Variants in ARHGAP6 observed in about 807,000 individuals in gnomAD.
ARHGAP6 encodes the protein rho GTPase-activating protein 6.
ARHGAP6 carries 16 observed loss-of-function variants against 55.7 expected under a neutral mutation model. That is an observed-to-expected ratio of 0.29 (90% confidence interval 0.19 to 0.44). ARHGAP6 has a LOEUF of 0.44. Among genes scored for constraint, ARHGAP6 ranks in the 20% least tolerant of loss-of-function variants. The pLI is 1.00. For synonymous variants in ARHGAP6, 382 were observed against 360.9 expected (o/e 1.06, Z -0.66); for missense variants, 698 against 808.9 (o/e 0.86, Z 1.66).
chrX:11,627,972 G>A (rs2052318123), intron 1 of ARHGAP6, among the ~76,000 whole-genome samples: 1 of 111,664 alleles, frequency 9.0e-6, no homozygotes, highest in African/African-American at 3.2e-5. Flanking sequence ...TAGTTTTCCA[G>A]TCAATTCACT....
rs780765484 is a variant in ARHGAP6, at chrX:11,254,061, G to A, written c.748+487C>T. On this transcript the variant is annotated intron_variant, in intron 2 of 12. Coordinates refer to ENST00000337414, the MANE Select transcript of ARHGAP6 (RefSeq NM_013427.3). ...CAATCAGGTGTGCACTGGCTCCAGT[G>A]CAACATACAACACACCAGCTGAAAA... Among the ~76,000 whole-genome samples the A allele has an allele frequency of 4.5e-5, 5 of 111,698 alleles. No individual in the cohort carries two copies. In the South Asian group the frequency reaches 1.9e-3, roughly 42 times the overall value.
rs372113361 is a variant in ARHGAP6, at chrX:11,156,508, A to T, written c.1907+21T>A. On this transcript the variant is annotated intron_variant, in intron 10 of 12. Transcript: ENST00000337414. Reference sequence around the variant, plus strand: ...GAAATCTCCAATGCGGCTTTAGAAGATGGAACACTGGAATACTCACGATGA... The same window carrying T: ...GAAATCTCCAATGCGGCTTTAGAAGTTGGAACACTGGAATACTCACGATGA... 1.8e-5 allele frequency: 21 copies of T among 1,162,914 alleles called. No individual in the cohort carries two copies. In the African/African-American group the frequency reaches 2.1e-4, roughly 12 times the overall value.
chrX:11,589,391 A>T (rs1402466116), intron 1 of ARHGAP6, among the ~76,000 whole-genome samples: 2 of 107,222 alleles, frequency 1.9e-5, no homozygotes, highest in Admixed American at 1.0e-4. Context: ...AATAATGAAG[A>T]ACTTTTATAA....
chrX:11,433,235 G>T (rs764522471), intron 1 of ARHGAP6, among the ~76,000 whole-genome samples: 1 of 112,270 alleles, frequency 8.9e-6, no homozygotes, highest in African/African-American at 3.2e-5. Context: ...ATATCATAAA[G>T]TTATGCATCA....
chrX:11,464,957 A>G (rs1334441887), intron 1 of ARHGAP6, among the ~76,000 whole-genome samples: 1 of 111,820 alleles, frequency 8.9e-6, no homozygotes, highest in Non-Finnish European at 1.9e-5. Context: ...TTCTGACTGC[A>G]CCACCTTCAT....
intron 1 of ARHGAP6, among the ~76,000 whole-genome samples, chrX:11,489,341 A>G (rs112825206): frequency 0.082 from 9,164 of 111,762 alleles, 410 homozygotes; most frequent in East Asian, 0.18. Context: ...GGTGAACAAT[A>G]GCAGAAGGAA....
intron 2 of ARHGAP6, among the ~76,000 whole-genome samples, chrX:11,247,012 T>C (rs1325611120): frequency 8.9e-6 from 1 of 112,035 alleles, no homozygotes. Context: ...AAATCAACAT[T>C]TAAATCACAA....
intron 3 of ARHGAP6, among the ~76,000 whole-genome samples, chrX:11,193,346 G>A (rs2046486485): frequency 8.9e-6 from 1 of 112,471 alleles, no homozygotes. Context: ...CACATGTGCA[G>A]CTGTTACAAA....
chrX:11,412,874 C>A (rs964995061), intron 1 of ARHGAP6, among the ~76,000 whole-genome samples: 1 of 112,266 alleles, frequency 8.9e-6, no homozygotes, highest in Non-Finnish European at 1.9e-5. Flanking sequence ...CATAACTCTC[C>A]AGCAGACCAC....
chrX:11,614,790 C>T (rs1044163373), intron 1 of ARHGAP6, among the ~76,000 whole-genome samples: 8 of 111,544 alleles, frequency 7.2e-5, no homozygotes, highest in South Asian at 3.8e-4. Context: ...CTGGGAGAGG[C>T]GAAGAAAACG....
chrX:11,541,659 T>C (rs1456094544), intron 1 of ARHGAP6, among the ~76,000 whole-genome samples: 3 of 112,165 alleles, frequency 2.7e-5, no homozygotes, highest in African/African-American at 9.7e-5. Context: ...CAAAACTGCT[T>C]GGCTTCTTAC....
intron 1 of ARHGAP6, among the ~76,000 whole-genome samples, chrX:11,328,081 C>A (rs1200036844): frequency 2.7e-5 from 3 of 112,249 alleles, no homozygotes; most frequent in Non-Finnish European, 5.6e-5. Context: ...ATATTGAATC[C>A]TTCACATTAC....
rs1602792454 is a variant in ARHGAP6 at position 11,179,448 on chromosome X, C to T, written c.1334G>A (p.Arg445His). Residue 445 changes from arginine to histidine, a missense_variant, in exon 7 of 13, where the codon CGT becomes CAT. Physicochemically the swap from Arg to His is conservative, Grantham distance 29. This residue lies in a region of ARHGAP6 where 322 missense variants were observed against 451.1 expected (regional missense o/e 0.71). Transcript: ENST00000337414. ...GSSKKRVRQL[R>H]EEFDRGIDVS... ...ATCAATCCCACGGTCAAATTCCTCA[C>T]GTAACTGGAAGAACAATGGTTCGAG... 5.0e-6 allele frequency: 6 copies of T among 1,207,019 alleles called. No homozygotes were observed. Among genetic ancestry groups the T allele is most frequent in the Non-Finnish European group, 6.7e-6 (6 of 893,671 alleles).
intron 11 of ARHGAP6, chrX:11,142,748 C>T (rs2045637979): frequency 9.0e-6 from 1 of 111,272 alleles, no homozygotes; most frequent in African/African-American, 3.3e-5. Context: ...GAAGGGGCCT[C>T]GAGCCAAGGA....
At chrX:11,585,264 T>C (rs2051717789) in intron 1 of ARHGAP6, among the ~76,000 whole-genome samples, 1 of 112,378 alleles carries the variant, frequency 8.9e-6, no homozygotes, top group Admixed American at 9.4e-5. Context: ...GTCTTTATAA[T>C]AAAACAATCT....
intron 2 of ARHGAP6, among the ~76,000 whole-genome samples, chrX:11,225,955 A>G (rs1467749021): frequency 9.1e-6 from 1 of 110,040 alleles, no homozygotes; most frequent in Non-Finnish European, 1.9e-5. Flanking sequence ...TTTTTTCACC[A>G]AACAACAAAT....
chrX:11,385,834 TA>T (rs771657017), intron 1 of ARHGAP6, among the ~76,000 whole-genome samples: 6 of 112,007 alleles, frequency 5.4e-5, no homozygotes, highest in South Asian at 3.7e-4. Context: ...GCAAAAATGA[TA>T]AAAAAATGAG....
chrX:11,475,545 T>C (rs892625175), intron 1 of ARHGAP6, among the ~76,000 whole-genome samples: 1 of 98,223 alleles, frequency 1.0e-5, no homozygotes, highest in African/African-American at 3.8e-5. Context: ...CATTTGAGTG[T>C]AATATTAAAG....
intron 1 of ARHGAP6, among the ~76,000 whole-genome samples, chrX:11,436,442 T>C (rs913744840): frequency 2.7e-5 from 3 of 112,560 alleles, no homozygotes; most frequent in Non-Finnish European, 5.6e-5. Context: ...TTCAGAAAGC[T>C]GGATAAGTAC....
Sources: allele counts gnomAD v4.1 joint callset (sites outside exome capture counted in the v4.1 genomes callset), GRCh38; gene constraint gnomAD v4.1.1; regional missense constraint gnomAD v4.1.1; transcripts MANE v1.5; gene names NCBI Gene and HGNC (gene_info 2026-07-23, HGNC 2026-07-21).